Variants in ARL15 observed in about 807,000 individuals in gnomAD.
ARL15 encodes ADP-ribosylation factor-like protein 15.
Under a neutral mutation model 25.2 loss-of-function variants are expected in ARL15, and 19 were observed. The ratio of observed to expected loss-of-function variants is 0.75; its 90% CI spans 0.53 to 1.10. The LOEUF (loss-of-function observed/expected upper bound fraction) is 1.10, where lower values mean the gene tolerates loss of function less well. Among genes scored for constraint, ARL15 ranks in the 50% least tolerant of loss-of-function variants. ARL15 has a pLI of 0.00. For missense variants in ARL15, 220 were observed against 246.0 expected, an observed-to-expected ratio of 0.89 and a Z score of 0.71; for synonymous variants, 94 against 86.8, an observed-to-expected ratio of 1.08 and a Z score of -0.46.
intron 1 of ARL15, among the ~76,000 whole-genome samples, chr5:54,306,157 A>G (rs1263972177): frequency 1.3e-5 from 2 of 152,194 alleles, no homozygotes; most frequent in Admixed American, 6.5e-5. Context: ...CCATGCAGAA[A>G]GTAAGGGCTC....
At chr5:54,285,521 A>G (rs1481963637) in intron 1 of ARL15, among the ~76,000 whole-genome samples, 2 of 152,196 alleles carry the variant, frequency 1.3e-5, no homozygotes, top group Admixed American at 6.5e-5. Context: ...TTAGAGAGCT[A>G]TTTTTTATAC....
At chr5:54,007,251 G>A (rs1008826745) in intron 4 of ARL15, among the ~76,000 whole-genome samples, 7 of 152,084 alleles carry the variant, frequency 4.6e-5, no homozygotes, top group Non-Finnish European at 1.5e-5. Flanking sequence ...GTATTGATCC[G>A]CCTTGGGCTC....
intron 4 of ARL15, among the ~76,000 whole-genome samples, chr5:53,947,999 G>T (rs1561161252): frequency 6.6e-6 from 1 of 151,346 alleles, no homozygotes; most frequent in Admixed American, 6.6e-5. Context: ...AGACACCAGT[G>T]GAAAAAAATG....
intron 4 of ARL15, among the ~76,000 whole-genome samples, chr5:54,069,574 A>AC (rs1751353395): frequency 6.6e-6 from 1 of 151,168 alleles, no homozygotes; most frequent in East Asian, 1.9e-4. Context: ...AAAAAAAAAA[A>AC]AAAAAAAAAA....
chr5:54,254,131 C>A (rs1000975994), intron 1 of ARL15, among the ~76,000 whole-genome samples: 1 of 152,152 alleles, frequency 6.6e-6, no homozygotes, highest in Non-Finnish European at 1.5e-5. Context: ...AAATAAGGAT[C>A]TTCAAACTCT....
intron 4 of ARL15, among the ~76,000 whole-genome samples, chr5:53,978,622 C>CAAAAAA (rs147288475): frequency 0.2 from 14,752 of 72,746 alleles, 1,734 homozygotes; most frequent in East Asian, 0.25. Flanking sequence ...CCTGTCTCTA[C>CAAAAAA]AAAAAAAAAA....
chr5:54,246,991 T>C (rs1227575997), intron 1 of ARL15, among the ~76,000 whole-genome samples: 1 of 152,096 alleles, frequency 6.6e-6, no homozygotes, highest in African/African-American at 2.4e-5. Flanking sequence ...AGTTATTGGA[T>C]TTATAGCTCC....
intron 1 of ARL15, among the ~76,000 whole-genome samples, chr5:54,272,042 C>G (rs1757799412): frequency 7.0e-6 from 1 of 142,866 alleles, no homozygotes; most frequent in African/African-American, 2.5e-5. Flanking sequence ...CTCCTGGGCT[C>G]AAGAGATCCT....
chr5:54,142,108 A>G (rs1753796985), intron 3 of ARL15, among the ~76,000 whole-genome samples: 1 of 152,180 alleles, frequency 6.6e-6, no homozygotes, highest in Non-Finnish European at 1.5e-5. Context: ...TACCTTTTTC[A>G]GAGACTGTTA....
Position 54,302,683 on chromosome 5 carries a change from A to ATTTTTTTTTTTTTTTTT in ARL15, c.48+7732_48+7748dup, listed in dbSNP as rs372704359. On this transcript the variant is annotated intron_variant, in intron 1 of 4. Transcript: ENST00000504924. ...GCAAAGCACCTGTTCTAAAATTAAG[A>ATTTTTTTTTTTTTTTTT]TTTTTTTTTTTTTTTTTTTTTTTTT... 2.6e-5 allele frequency among the ~76,000 whole-genome samples: 2 copies of ATTTTTTTTTTTTTTTTT among 77,860 alleles called. 1 individual carries two copies. Among genetic ancestry groups the ATTTTTTTTTTTTTTTTT allele is most frequent in the South Asian group, 1.4e-3 (2 of 1,402 alleles). The allele number at this position is 77,860 out of a possible 152,430, so 51.1% of individuals were successfully genotyped here.
rs182228195 is a variant in ARL15 at position 54,223,325 on chromosome 5, T to C, written c.49-51397A>G. 2.5e-3 allele frequency among the ~76,000 whole-genome samples: 385 copies of C among 152,286 alleles called. 3 individuals carry two copies. Among genetic ancestry groups the C allele is most frequent in the African/African-American group, 9.0e-3 (375 of 41,564 alleles). On this transcript the variant is annotated intron_variant, in intron 1 of 4. Transcript: ENST00000504924. ...TAGGATATGTTTGTGTTCAGATTTG[T>C]TAAAATGCAGAGATTTAAAGAACTA...
intron 1 of ARL15, among the ~76,000 whole-genome samples, chr5:54,283,237 A>C (rs957960670): frequency 6.6e-6 from 1 of 152,208 alleles, no homozygotes; most frequent in Admixed American, 6.5e-5. Context: ...CATCAGACCC[A>C]TTCTGCCAAA....
At chr5:53,949,196 GT>G (rs1746860722) in intron 4 of ARL15, among the ~76,000 whole-genome samples, 1 of 152,160 alleles carries the variant, frequency 6.6e-6, no homozygotes, top group Non-Finnish European at 1.5e-5. Context: ...ATATGGTATT[GT>G]GGAGGACTCT....
chr5:54,057,087 C>T (rs1490011023), intron 4 of ARL15, among the ~76,000 whole-genome samples: 2 of 151,380 alleles, frequency 1.3e-5, no homozygotes, highest in Admixed American at 1.3e-4. Flanking sequence ...ATAGAAATCA[C>T]CTTAAAAGGA....
At chr5:54,125,461 C>T (rs574541746) in intron 3 of ARL15, among the ~76,000 whole-genome samples, 1 of 152,248 alleles carries the variant, frequency 6.6e-6, no homozygotes, top group South Asian at 2.1e-4. Context: ...AACGCTGCCC[C>T]CACAAGGAAA....
intron 4 of ARL15, among the ~76,000 whole-genome samples, chr5:54,037,030 G>T (rs943795744): frequency 1.8e-4 from 28 of 151,800 alleles, no homozygotes; most frequent in African/African-American, 6.3e-4. Flanking sequence ...AAAACTGTGG[G>T]GAATATAAAT....
At chr5:54,126,402 T>A (rs1753253104) in intron 3 of ARL15, among the ~76,000 whole-genome samples, 1 of 152,214 alleles carries the variant, frequency 6.6e-6, no homozygotes, top group Non-Finnish European at 1.5e-5. Flanking sequence ...CAGCCAAGAT[T>A]GAAACTATGA....
intron 4 of ARL15, among the ~76,000 whole-genome samples, chr5:54,109,910 T>C (rs1197105603): frequency 1.3e-5 from 2 of 152,072 alleles, no homozygotes; most frequent in East Asian, 3.9e-4. Context: ...AAGGGTGTTC[T>C]TTTTCCTAGA....
At chr5:53,886,820 C>T (rs1341953697) in intron 4 of ARL15, 107 bp from the exon 5 acceptor site, 16 of 1,068,628 alleles carry the variant, frequency 1.5e-5, no homozygotes, top group Non-Finnish European at 2.1e-5. Context: ...GGAATTTATA[C>T]GAACTGTGAT....
Sources: allele counts gnomAD v4.1 joint callset (sites outside exome capture counted in the v4.1 genomes callset), GRCh38; gene constraint gnomAD v4.1.1; transcripts MANE v1.5; gene names NCBI Gene and HGNC (gene_info 2026-07-23, HGNC 2026-07-21).